Variants in ABCC9 observed in about 807,000 individuals in gnomAD.
The protein encoded by ABCC9 is ATP binding cassette subfamily C member 9.
In ABCC9, 95 loss-of-function variants were observed where a neutral mutation model predicts 188.3. The ratio of observed to expected loss-of-function variants is 0.50; its 90% CI spans 0.43 to 0.60. ABCC9 has a LOEUF of 0.60. Ranked by LOEUF, ABCC9 falls within the 20% of genes least tolerant of loss-of-function variation. The pLI, the probability that ABCC9 is intolerant of heterozygous loss-of-function variation, is 0.00. For missense variants in ABCC9, 1,102 were observed against 1,876.3 expected (o/e 0.59, Z 7.62); for synonymous variants, 659 against 652.7 (o/e 1.01, Z -0.15).
intron 28 of ABCC9, among the ~76,000 whole-genome samples, chr12:21,843,370 A>T (rs754289454): frequency 1.3e-5 from 2 of 152,114 alleles, no homozygotes; most frequent in African/African-American, 4.8e-5. Flanking sequence ...TGCTCTTTTG[A>T]CCTACTTGTC....
At chr12:21,908,049 A>G (rs1006723525) in intron 11 of ABCC9, 28 bp downstream of exon 11, 6 of 1,608,408 alleles carry the variant, frequency 3.7e-6, no homozygotes, top group Non-Finnish European at 5.1e-6. Context: ...TCATTTTTGT[A>G]ATTAAGTTTC....
chr12:21,820,278 G>A lies in ABCC9; in HGVS notation c.3670-2027C>T, dbSNP rs149598664. 3.7e-3 allele frequency among the ~76,000 whole-genome samples: 555 copies of A among 152,042 alleles called. 1 individual carries two copies. The highest frequency in any genetic ancestry group is 0.013 in the African/African-American group (527 of 41,486). Reference sequence around the variant, plus strand: ...AAAAAATATGTCATCTGGCTTCTGAGAAATTTCTGTGAGTGGTGTATATGT... The same window carrying A: ...AAAAAATATGTCATCTGGCTTCTGAAAAATTTCTGTGAGTGGTGTATATGT... On this transcript the variant is annotated intron_variant, in intron 31 of 39. Transcript: ENST00000261200.
rs753906607 is a variant in ABCC9, at chr12:21,933,892, A to G, written c.174T>C (p.Ile58=). Residue 58 remains isoleucine (I), a synonymous_variant, in exon 4 of 40, where the codon ATT becomes ATC. Transcript: ENST00000261200. ...GWGSQSSKVQ[I]HHNTWLHFPG... The stretch of plus-strand genomic sequence containing the variant: ...GAAAATGAAGCCATGTGTTGTGGTG[A>G]ATTTGTACTTTTGAGCTTTGGCTCC... 6.2e-7 allele frequency: 1 copy of G among 1,613,668 alleles called. No individual in the cohort carries two copies. The highest frequency in any genetic ancestry group is 1.7e-5 in the Admixed American group (1 of 60,008).
chr12:21,879,054 G>A (rs1379683679), intron 16 of ABCC9, among the ~76,000 whole-genome samples: 1 of 152,166 alleles, frequency 6.6e-6, no homozygotes, highest in Non-Finnish European at 1.5e-5. Flanking sequence ...ATGGAGGCAA[G>A]CTCAGTGTAC....
At chr12:21,856,389 C>A (rs1439972021) in intron 22 of ABCC9, among the ~76,000 whole-genome samples, 2 of 151,904 alleles carry the variant, frequency 1.3e-5, no homozygotes, top group Non-Finnish European at 2.9e-5. Context: ...TTAATATATT[C>A]TCTTATATAT....
chr12:21,840,868 A>G (rs1171899626), intron 29 of ABCC9, among the ~76,000 whole-genome samples: 2 of 152,222 alleles, frequency 1.3e-5, no homozygotes, highest in Non-Finnish European at 2.9e-5. Flanking sequence ...ATGTTATATG[A>G]TACATTCAGA....
chr12:21,894,143 T>C lies in ABCC9; in HGVS notation c.1691A>G (p.Asn564Ser), dbSNP rs1437966450. 1 of 1,614,034 alleles carries C rather than the reference T, an allele frequency of 6.2e-7. No homozygotes were observed. The highest frequency in any genetic ancestry group is 1.1e-5 in the South Asian group (1 of 91,078). The change falls in exon 14 of 40, where the codon AAC (asparagine) becomes AGC (serine). Residue 564 changes from asparagine to serine, a missense_variant. Physicochemically the swap from Asn to Ser is conservative, Grantham distance 46. Transcript: ENST00000261200. ...TFVTHAYASG[N>S]NLKPAEAFAS... ...AAAGGCCTCTGCAGGTTTCAGATTG[T>C]TTCCACTGGCATACGCATGGGTCAC...
intron 39 of ABCC9, chr12:21,805,076 C>T: frequency 1.3e-6 from 2 of 1,565,520 alleles, no homozygotes; most frequent in Non-Finnish European, 1.8e-6. Flanking sequence ...CATCTCAGCC[C>T]TTCCCTTTAT....
chr12:21,831,518 G>A (rs1161485918), intron 30 of ABCC9, among the ~76,000 whole-genome samples: 2 of 151,992 alleles, frequency 1.3e-5, no homozygotes, highest in Non-Finnish European at 2.9e-5. Flanking sequence ...ACACTGTCTA[G>A]CTATAAGGAT....
chr12:21,871,710 G>A (rs1242069076), intron 18 of ABCC9, among the ~76,000 whole-genome samples: 1 of 152,150 alleles, frequency 6.6e-6, no homozygotes, highest in African/African-American at 2.4e-5. Context: ...TATGGGAGCT[G>A]TCCTGTGCAC....
intron 31 of ABCC9, among the ~76,000 whole-genome samples, chr12:21,820,134 T>C (rs1446477923): frequency 6.6e-6 from 1 of 152,214 alleles, no homozygotes; most frequent in Admixed American, 6.5e-5. Flanking sequence ...ATTTATGTTA[T>C]ACATTTGGAT....
intron 31 of ABCC9, among the ~76,000 whole-genome samples, chr12:21,827,591 A>G (rs1031624482): frequency 6.6e-6 from 1 of 151,376 alleles, no homozygotes; most frequent in Non-Finnish European, 1.5e-5. Context: ...AAAACAAGGA[A>G]TTAAAGCAAG....
chr12:21,930,283 T>C (rs1426428220), intron 4 of ABCC9, among the ~76,000 whole-genome samples: 1 of 152,164 alleles, frequency 6.6e-6, no homozygotes, highest in Non-Finnish European at 1.5e-5. Flanking sequence ...CATATTTCTA[T>C]ATAATATGGG....
At chr12:21,926,171 A>T in intron 4 of ABCC9, 108 bp from the exon 5 acceptor site, 1 of 1,451,580 alleles carries the variant, frequency 6.9e-7, no homozygotes, top group Non-Finnish European at 9.6e-7. Flanking sequence ...GATGTTTAAA[A>T]TACAGAATGC....
Position 21,887,133 on chromosome 12 carries a change from A to G in ABCC9, c.1911+693T>C, listed in dbSNP as rs1215098908. ...TCTTGGCACAAAGCACAGGGCAGCC[A>G]AAAAATAAAAAACACAGTCATATAT... is the stretch of plus-strand genomic sequence containing the variant. On this transcript the variant is annotated intron_variant, in intron 15 of 39. Coordinates refer to ENST00000261200, the MANE Select transcript of ABCC9 (RefSeq NM_020297.4). 2.0e-5 allele frequency among the ~76,000 whole-genome samples: 3 copies of G among 152,218 alleles called. No individual in the cohort carries two copies. The East Asian group carries it at 5.8e-4, about 29-fold the overall frequency.
At chr12:21,916,213 A>C (rs1454721149) in intron 6 of ABCC9, among the ~76,000 whole-genome samples, 1 of 152,166 alleles carries the variant, frequency 6.6e-6, no homozygotes, top group African/African-American at 2.4e-5. Context: ...GATAGGGTCA[A>C]CCAAATGAAG....
chr12:21,864,176 C>T (rs764883274), intron 19 of ABCC9, among the ~76,000 whole-genome samples: 7 of 152,048 alleles, frequency 4.6e-5, no homozygotes, highest in Non-Finnish European at 8.8e-5. Flanking sequence ...ACCCAGTTTA[C>T]TGAGGATAGT....
At chr12:21,908,263 T>C (rs1473318539) in intron 10 of ABCC9, 52 bp from the exon 11 acceptor site, 5 of 1,599,432 alleles carry the variant, frequency 3.1e-6, no homozygotes, top group Non-Finnish European at 4.3e-6. Flanking sequence ...GTGGGAGCCA[T>C]TGCATGAAAG....
intron 39 of ABCC9, among the ~76,000 whole-genome samples, chr12:21,804,428 AG>A (rs1229420774): frequency 6.6e-6 from 1 of 152,208 alleles, no homozygotes; most frequent in Non-Finnish European, 1.5e-5. Context: ...TTGGGGCAAC[AG>A]GGAGTTCTCT....
Sources: gnomAD v4.1 joint callset for allele counts (sites outside exome capture counted in the v4.1 genomes callset) on GRCh38, gnomAD v4.1.1 for gene constraint, MANE v1.5 for transcripts, NCBI Gene and HGNC (gene_info 2026-07-23, HGNC 2026-07-21) for gene names.